CD302: variants seen among roughly 807,000 people sequenced by gnomAD.
The protein encoded by CD302 is CD302 molecule.
In CD302, 23 loss-of-function variants were observed where a neutral mutation model predicts 26.5. The ratio of observed to expected loss-of-function variants is 0.87; its 90% confidence interval spans 0.62 to 1.23. The LOEUF is 1.23. Among genes scored for constraint, CD302 ranks in the 50% most tolerant of loss-of-function variants. CD302 has a pLI of 0.00. For missense variants in CD302, 290 were observed against 275.5 expected, an observed-to-expected ratio of 1.05 and a Z score of -0.37; for synonymous variants, 90 against 99.4, an observed-to-expected ratio of 0.91 and a Z score of 0.56.
chr2:159,777,110 G>A (rs1263351012), intron 5 of CD302, among the ~76,000 whole-genome samples: 1 of 152,060 alleles, frequency 6.6e-6, no homozygotes. Flanking sequence ...AGTTAGCTGG[G>A]CATGGCGGCC....
At chr2:159,791,035 C>G (rs1708792586) in intron 1 of CD302, among the ~76,000 whole-genome samples, 1 of 152,162 alleles carries the variant, frequency 6.6e-6, no homozygotes, top group Admixed American at 6.5e-5. Context: ...GATATGATCT[C>G]TAAAACACTG....
intron 5 of CD302, among the ~76,000 whole-genome samples, chr2:159,776,878 GTAT>G (rs1434856131): frequency 1.3e-5 from 2 of 151,904 alleles, no homozygotes; most frequent in Admixed American, 6.6e-5. Context: ...GCTAAGTTTT[GTAT>G]TATTTAGCCC....
intron 5 of CD302, among the ~76,000 whole-genome samples, chr2:159,774,571 G>GT (rs1462701789): frequency 6.6e-6 from 1 of 152,220 alleles, no homozygotes; most frequent in East Asian, 1.9e-4. Context: ...AGTCCATTTA[G>GT]TAAGTGACAG....
intron 1 of CD302, among the ~76,000 whole-genome samples, chr2:159,792,634 T>G (rs1708838892): frequency 6.6e-6 from 1 of 152,034 alleles, no homozygotes; most frequent in South Asian, 2.1e-4. Flanking sequence ...ACAGAAATGG[T>G]CCCGAACTTA....
At chr2:159,790,049 T>G (rs1303061755) in intron 1 of CD302, among the ~76,000 whole-genome samples, 1 of 152,216 alleles carries the variant, frequency 6.6e-6, no homozygotes, top group Non-Finnish European at 1.5e-5. Context: ...TCTTTTATAC[T>G]TTTCAACAAG....
At chr2:159,793,780 T>A (rs1030200647) in intron 1 of CD302, among the ~76,000 whole-genome samples, 13 of 152,228 alleles carry the variant, frequency 8.5e-5, no homozygotes, top group South Asian at 2.1e-4. Flanking sequence ...CCTCATCCCC[T>A]CTCCATATCA....
intron 1 of CD302, among the ~76,000 whole-genome samples, chr2:159,787,054 T>C (rs527512760): frequency 6.6e-4 from 101 of 152,360 alleles, no homozygotes; most frequent in African/African-American, 2.2e-3. Context: ...TAAGAACTTA[T>C]TCATTCTTCT....
At chr2:159,778,845 G>C (rs1708417620) in intron 4 of CD302, among the ~76,000 whole-genome samples, 2 of 151,798 alleles carry the variant, frequency 1.3e-5, no homozygotes, top group African/African-American at 2.4e-5. Context: ...TGAGAAAACA[G>C]TTACTTTCTA....
At chr2:159,782,232 T>C (rs912075241) in intron 2 of CD302, among the ~76,000 whole-genome samples, 2 of 151,074 alleles carry the variant, frequency 1.3e-5, no homozygotes, top group African/African-American at 4.9e-5. Flanking sequence ...TGGCCAACAG[T>C]GAAACCCCGT....
Position 159,798,175 on chromosome 2 carries a change from C to G in CD302, c.24G>C (p.Ala8=), listed in dbSNP as rs1429295966. MLRAALP[A]LLLPLLGLAA... ...CGAGGCCCAGCAACGGCAGCAGGAG[C>G]GCGGGCAGCGCGGCCCGGAGCATGA... Residue 8 remains alanine, a synonymous_variant, in exon 1 of 6, where the codon GCG becomes GCC. Coordinates refer to ENST00000259053, the MANE Select transcript of CD302 (RefSeq NM_014880.5). 1.4e-6 allele frequency: 2 copies of G among 1,478,072 alleles called. No homozygotes were observed. Among genetic ancestry groups the G allele is most frequent in the Middle Eastern group, 2.1e-4 (1 of 4,860 alleles). 91.6% of individuals were successfully genotyped at this position (1,478,072 alleles called of 1,614,324 possible).
intron 1 of CD302, among the ~76,000 whole-genome samples, chr2:159,795,179 C>T (rs979729386): frequency 8.6e-5 from 13 of 150,646 alleles, no homozygotes; most frequent in African/African-American, 1.2e-4. Context: ...GCCGAGATTG[C>T]GCCACCGCAC....
At chr2:159,793,785 A>G (rs1464329794) in intron 1 of CD302, among the ~76,000 whole-genome samples, 5 of 152,078 alleles carry the variant, frequency 3.3e-5, no homozygotes, top group African/African-American at 7.2e-5. Context: ...TCCCCTCTCC[A>G]TATCACTCTT....
chr2:159,794,014 G>T (rs1708876709), intron 1 of CD302, among the ~76,000 whole-genome samples: 2 of 151,100 alleles, frequency 1.3e-5, no homozygotes, highest in South Asian at 4.2e-4. Flanking sequence ...TAATCCCAGA[G>T]CTTTGGAAGG....
At chr2:159,773,323 G>C (rs1708213878) in intron 5 of CD302, among the ~76,000 whole-genome samples, 1 of 152,150 alleles carries the variant, frequency 6.6e-6, no homozygotes, top group Admixed American at 6.5e-5. Flanking sequence ...CCCGTAGTTA[G>C]TTTTATTAGA....
chr2:159,797,876 G>A (rs1403785209), intron 1 of CD302, among the ~76,000 whole-genome samples: 2 of 152,198 alleles, frequency 1.3e-5, no homozygotes, highest in East Asian at 1.9e-4. Flanking sequence ...AGTGGGGTCT[G>A]CGGTGAGGAT....
At chr2:159,776,258 T>C (rs1284996369) in intron 5 of CD302, among the ~76,000 whole-genome samples, 1 of 151,944 alleles carries the variant, frequency 6.6e-6, no homozygotes, top group Non-Finnish European at 1.5e-5. Flanking sequence ...CTCAGTTGTA[T>C]GTGCAGATTA....
At chr2:159,783,221 TGTTGTCAAATAAAA>T in intron 2 of CD302, 124 bp downstream of exon 2, 1 of 629,980 alleles carries the variant, frequency 1.6e-6, no homozygotes, top group Non-Finnish European at 2.6e-6. Flanking sequence ...GTAGCTTGTG[TGTTGTCAAATAAAA>T]GTTGTACATT....
intron 4 of CD302, among the ~76,000 whole-genome samples, chr2:159,778,970 G>A (rs1216294065): frequency 2.0e-5 from 3 of 151,986 alleles, no homozygotes; most frequent in African/African-American, 7.3e-5. Flanking sequence ...AGTGGCTCAC[G>A]TCTGTAATCC....
intron 1 of CD302, among the ~76,000 whole-genome samples, chr2:159,789,822 G>A (rs939852792): frequency 4.6e-5 from 7 of 152,084 alleles, no homozygotes; most frequent in Non-Finnish European, 8.8e-5. Flanking sequence ...CTATGAGATT[G>A]CCAAAAACTC....
Sources: gnomAD v4.1 joint callset for allele counts (sites outside exome capture counted in the v4.1 genomes callset) on GRCh38, gnomAD v4.1.1 for gene constraint, MANE v1.5 for transcripts, NCBI Gene and HGNC (gene_info 2026-07-23, HGNC 2026-07-21) for gene names.